The following AGAP1 variants were observed in gnomAD, a reference collection of about 807,000 sequenced individuals.
AGAP1 encodes the protein ArfGAP with GTPase domain, ankyrin repeat and PH domain 1, also known as arf-GAP with GTPase, ANK repeat and PH domain-containing protein 1.
A neutral mutation model predicts 105.3 loss-of-function variants in AGAP1; 29 were observed. The observed-to-expected ratio is 0.28, with a 90% confidence interval of 0.21 to 0.38. The LOEUF (loss-of-function observed/expected upper bound fraction) is 0.38. AGAP1 is among the 10% of genes least tolerant of loss of function. The pLI is 1.00. For missense variants in AGAP1, 998 were observed against 1,165.1 expected, an observed-to-expected ratio of 0.86 and a Z score of 2.09; for synonymous variants, 509 against 485.9, an observed-to-expected ratio of 1.05 and a Z score of -0.63.
At position 235,883,501 on chromosome 2, in the gene AGAP1, C is replaced by G. The variant is rs567572385; in HGVS notation, c.1155+52C>G. ...AACAGCTGCAGACCTCAACTAAACA[C>G]TGTGGGGAAGGGGAACCTACCAGCA... On this transcript the variant is annotated intron_variant, in intron 10 of 17. Coordinates refer to ENST00000304032, the MANE Select transcript of AGAP1 (RefSeq NM_001037131.3). This position sits in a 1 kb window ranked among gnomAD's most constrained non-coding sequence, Gnocchi z 4.5. 4.1e-6 allele frequency: 6 copies of G among 1,480,420 alleles called. No individual in the cohort carries two copies. In the Admixed American group the frequency reaches 9.1e-5, roughly 22 times the overall value. 91.7% of individuals were successfully genotyped at this position (1,480,420 alleles called of 1,614,324 possible).
intron 10 of AGAP1, among the ~76,000 whole-genome samples, chr2:235,898,486 C>T (rs1387728181): frequency 9.6e-5 from 13 of 134,962 alleles, no homozygotes; most frequent in African/African-American, 3.5e-4. Context: ...CCCCCCACCC[C>T]CACCCCCGCC....
intron 1 of AGAP1, among the ~76,000 whole-genome samples, chr2:235,513,871 A>G (rs1942260882): frequency 6.6e-6 from 1 of 152,180 alleles, no homozygotes; most frequent in Non-Finnish European, 1.5e-5. Flanking sequence ...GTCCTTTCTT[A>G]GTTAAAAAAT....
chr2:235,699,919 CT>C (rs1950171849), intron 1 of AGAP1, among the ~76,000 whole-genome samples: 1 of 152,204 alleles, frequency 6.6e-6, no homozygotes, highest in Non-Finnish European at 1.5e-5. Context: ...CAACCTCAGG[CT>C]GGTTCTTCTG....
intron 16 of AGAP1, among the ~76,000 whole-genome samples, chr2:236,098,356 A>G (rs192136761): frequency 1.2e-3 from 186 of 152,118 alleles, no homozygotes; most frequent in Non-Finnish European, 1.4e-3. Flanking sequence ...CAGGGAACAC[A>G]TGAGGTCAGT....
rs571546013 is a variant in AGAP1, at chr2:235,551,493, C to T, written c.163+56644C>T. On this transcript the variant is annotated intron_variant, in intron 1 of 17. Transcript: ENST00000304032. This position sits in a 1 kb window ranked among gnomAD's most constrained non-coding sequence, Gnocchi z 4.8. ...GCTGATTTTTTTTGTAGAGACGGGT[C>T]GTCCAGTGATACTCAGATTGGTCTC... Among the ~76,000 whole-genome samples, 49 of 152,046 alleles carry T rather than the reference C, an allele frequency of 3.2e-4. No homozygotes were observed. The highest frequency in any genetic ancestry group is 6.0e-4 in the Non-Finnish European group (41 of 67,990).
chr2:235,656,842 T>C (rs1439183653), intron 1 of AGAP1, among the ~76,000 whole-genome samples: 9 of 152,194 alleles, frequency 5.9e-5, no homozygotes, highest in Admixed American at 5.9e-4. Flanking sequence ...ATATATAACA[T>C]AATGTTGCAG....
intron 1 of AGAP1, among the ~76,000 whole-genome samples, chr2:235,643,431 C>CAAAAAAAAAAA (rs56146940): frequency 8.1e-4 from 50 of 61,418 alleles, no homozygotes; most frequent in African/African-American, 3.2e-3. Context: ...GACTGGGTCT[C>CAAAAAAAAAAA]AAAAAAAAAA....
At chr2:235,998,982 G>T (rs546948823) in intron 13 of AGAP1, among the ~76,000 whole-genome samples, 1 of 150,280 alleles carries the variant, frequency 6.7e-6, no homozygotes, top group Non-Finnish European at 1.5e-5. Context: ...GTGGTGACGG[G>T]GTAGTGGTGG....
At chr2:235,821,823 C>T (rs1003758494) in intron 9 of AGAP1, among the ~76,000 whole-genome samples, 8 of 152,228 alleles carry the variant, frequency 5.3e-5, no homozygotes, top group African/African-American at 9.6e-5. Context: ...GCCACTTCCA[C>T]CCTGAGAAAA....
chr2:235,782,413 A>G (rs1334901791), intron 6 of AGAP1, among the ~76,000 whole-genome samples: 1 of 152,204 alleles, frequency 6.6e-6, no homozygotes, highest in Non-Finnish European at 1.5e-5. Context: ...CTAAAATTTC[A>G]CAAGCTGTAA....
intron 16 of AGAP1, among the ~76,000 whole-genome samples, chr2:236,081,997 A>G (rs1317032698): frequency 6.6e-6 from 1 of 152,206 alleles, no homozygotes; most frequent in East Asian, 1.9e-4. Flanking sequence ...GAGACAGGAA[A>G]TATAGCACGC....
intron 1 of AGAP1, chr2:235,670,785 G>T: frequency 4.7e-6 from 6 of 1,267,940 alleles, no homozygotes; most frequent in Non-Finnish European, 6.5e-6. Flanking sequence ...CTGGAGCGTT[G>T]GGAACGCAGT....
chr2:235,933,430 C>G (rs959451169), intron 12 of AGAP1, among the ~76,000 whole-genome samples: 2 of 152,046 alleles, frequency 1.3e-5, no homozygotes, highest in African/African-American at 4.8e-5. Flanking sequence ...GACTTGGGAG[C>G]TGACATTTTA....
At position 236,038,440 on chromosome 2, in the gene AGAP1, G is replaced by T. The variant is rs1253373060; in HGVS notation, c.1800+1725G>T. Among the ~76,000 whole-genome samples, 8 of 152,224 alleles carry T rather than the reference G, an allele frequency of 5.3e-5. No homozygotes were observed. The South Asian group carries it at 1.7e-3, about 32-fold the overall frequency. ...CCTTTCCCATTCCACACCTTGCCAGGCTCCTCCTGACTCGTGTCTCAGCTC... is the reference window on the plus strand; with the variant it reads ...CCTTTCCCATTCCACACCTTGCCAGTCTCCTCCTGACTCGTGTCTCAGCTC... On this transcript the variant is annotated intron_variant, in intron 14 of 17. Coordinates refer to ENST00000304032, the MANE Select transcript of AGAP1 (RefSeq NM_001037131.3). This position sits in a 1 kb window ranked among gnomAD's most constrained non-coding sequence, Gnocchi z 4.5.
At position 235,557,106 on chromosome 2, in the gene AGAP1, C is replaced by T. The variant is rs967535259; in HGVS notation, c.163+62257C>T. Among the ~76,000 whole-genome samples, 1 of 152,066 alleles carries T rather than the reference C, an allele frequency of 6.6e-6. No homozygotes were observed. Among genetic ancestry groups the T allele is most frequent in the Non-Finnish European group, 1.5e-5 (1 of 68,020 alleles). ...GGGTCCTGGGGTGAGCTCTGGAGCCCGTGGGTCTGGTTGTCTTGCTGACCT... is the reference window on the plus strand; with the variant it reads ...GGGTCCTGGGGTGAGCTCTGGAGCCTGTGGGTCTGGTTGTCTTGCTGACCT... On this transcript the variant is annotated intron_variant, in intron 1 of 17. Transcript: ENST00000304032. The surrounding 1 kb of genome is among the most constrained non-coding windows in gnomAD (Gnocchi z 4.7).
Position 235,769,292 on chromosome 2 carries a change from C to T in AGAP1, c.673+18804C>T, listed in dbSNP as rs1206138039. Reference sequence around the variant, plus strand: ...GTCATGCAGTCATTGCTCACCAGAGCCAGGACATGCCTGGGCTGCTGAGTG... The same window carrying T: ...GTCATGCAGTCATTGCTCACCAGAGTCAGGACATGCCTGGGCTGCTGAGTG... On this transcript the variant is annotated intron_variant, in intron 6 of 17. Coordinates refer to ENST00000304032, the MANE Select transcript of AGAP1 (RefSeq NM_001037131.3). This position sits in a 1 kb window ranked among gnomAD's most constrained non-coding sequence, Gnocchi z 4.4. Among the ~76,000 whole-genome samples, 1 of 152,198 alleles carries T rather than the reference C, an allele frequency of 6.6e-6. No homozygotes were observed. Among genetic ancestry groups the T allele is most frequent in the African/African-American group, 2.4e-5 (1 of 41,446 alleles).
chr2:235,590,838 A>G (rs547214664), intron 1 of AGAP1, among the ~76,000 whole-genome samples: 3 of 145,722 alleles, frequency 2.1e-5, no homozygotes, highest in South Asian at 2.2e-4. Flanking sequence ...CTCCTGCCTC[A>G]GCCTCCCAAG....
chr2:236,021,933 C>T (rs1176317455), intron 13 of AGAP1, among the ~76,000 whole-genome samples: 3 of 151,852 alleles, frequency 2.0e-5, no homozygotes, highest in Non-Finnish European at 4.4e-5. Flanking sequence ...GTGGCGCATG[C>T]CTGTAGTCCC....
At chr2:235,861,961 G>A (rs887765764) in intron 9 of AGAP1, among the ~76,000 whole-genome samples, 11 of 152,196 alleles carry the variant, frequency 7.2e-5, no homozygotes, top group African/African-American at 1.9e-4. Flanking sequence ...ACCCTGCCCC[G>A]TGGGGTTCCT....
Sources: allele counts gnomAD v4.1 joint callset (sites outside exome capture counted in the v4.1 genomes callset), GRCh38; gene constraint gnomAD v4.1.1; non-coding constraint Gnocchi (gnomAD v3.1); transcripts MANE v1.5; gene names NCBI Gene and HGNC (gene_info 2026-07-23, HGNC 2026-07-21).